Variants in SCIN observed in about 807,000 individuals in gnomAD.
The protein encoded by SCIN is adseverin.
A neutral mutation model predicts 91.8 loss-of-function variants in SCIN; 91 were observed. The observed-to-expected ratio is 0.99, with a 90% CI of 0.84 to 1.18. SCIN has a LOEUF of 1.18. Among genes scored for constraint, SCIN ranks in the 50% most tolerant of loss-of-function variants. SCIN has a pLI of 0.00. For missense variants in SCIN, 1,087 were observed against 863.9 expected, an observed-to-expected ratio of 1.26 and a Z score of -3.24; for synonymous variants, 367 against 312.6, an observed-to-expected ratio of 1.17 and a Z score of -1.84.
intron 5 of SCIN, among the ~76,000 whole-genome samples, chr7:12,624,335 A>G (rs1486708522): frequency 6.6e-6 from 1 of 152,228 alleles, no homozygotes; most frequent in Non-Finnish European, 1.5e-5. Flanking sequence ...GCACATGAAT[A>G]TCACTTTCAA....
chr7:12,576,048 T>C (rs530909655), intron 1 of SCIN, among the ~76,000 whole-genome samples: 47 of 152,338 alleles, frequency 3.1e-4, no homozygotes, highest in African/African-American at 1.0e-3. Context: ...CATTTACATC[T>C]ACCTAAAGAG....
rs999223007 is a variant in SCIN at position 12,610,089 on chromosome 7, G to A, written c.666+5426G>A. ...CATGGTCTGAATAACACCACAATTT[G>A]TTGGAAGACTTTTCATGATGAAAAT... On this transcript the variant is annotated intron_variant, in intron 4 of 15. Coordinates refer to ENST00000297029, the MANE Select transcript of SCIN (RefSeq NM_001112706.3). 2.6e-5 allele frequency among the ~76,000 whole-genome samples: 4 copies of A among 152,278 alleles called. No individual in the cohort carries two copies. In the East Asian group the frequency reaches 7.7e-4, roughly 29 times the overall value.
intron 4 of SCIN, among the ~76,000 whole-genome samples, chr7:12,616,980 A>T (rs774845382): frequency 6.6e-6 from 1 of 152,176 alleles, no homozygotes; most frequent in South Asian, 2.1e-4. Flanking sequence ...CTAAGATATA[A>T]GATTTTGACA....
At chr7:12,604,793 T>G in intron 4 of SCIN, 130 bp downstream of exon 4, 1 of 715,326 alleles carries the variant, frequency 1.4e-6, no homozygotes. Context: ...GTTTCAATAG[T>G]GAGCCTAGCT....
At chr7:12,652,438 T>C in intron 15 of SCIN, 150 bp from the exon 16 acceptor site, 2 of 694,916 alleles carry the variant, frequency 2.9e-6, no homozygotes, top group East Asian at 3.1e-5. Context: ...AAGAATTGTA[T>C]TCGAAGAATT....
intron 3 of SCIN, among the ~76,000 whole-genome samples, chr7:12,597,971 T>G (rs1025805021): frequency 6.6e-6 from 1 of 152,228 alleles, no homozygotes; most frequent in East Asian, 1.9e-4. Context: ...CAGGGCTTTT[T>G]TAAACATTGC....
intron 11 of SCIN, among the ~76,000 whole-genome samples, chr7:12,643,898 G>A (rs1269902004): frequency 1.3e-5 from 2 of 152,130 alleles, no homozygotes; most frequent in African/African-American, 4.8e-5. Flanking sequence ...ACAGTCATAT[G>A]GTCAGACAGT....
At chr7:12,640,112 C>T (rs1783827245) in intron 10 of SCIN, among the ~76,000 whole-genome samples, 1 of 152,204 alleles carries the variant, frequency 6.6e-6, no homozygotes, top group Non-Finnish European at 1.5e-5. Flanking sequence ...GATGTTTCCC[C>T]TGACAAGAAA....
At chr7:12,644,024 TG>T in intron 11 of SCIN, 113 bp from the exon 12 acceptor site, 1 of 934,036 alleles carries the variant, frequency 1.1e-6, no homozygotes, top group Non-Finnish European at 1.6e-6. Flanking sequence ...ATTAATTTCC[TG>T]GGATAGGGCA....
chr7:12,623,162 G>T (rs1026536852), intron 5 of SCIN, among the ~76,000 whole-genome samples: 1 of 152,098 alleles, frequency 6.6e-6, no homozygotes, highest in Admixed American at 6.6e-5. Context: ...AGTTTGCAAC[G>T]ATCTTTTGAT....
At chr7:12,593,411 A>C (rs1782768016) in intron 3 of SCIN, among the ~76,000 whole-genome samples, 1 of 152,202 alleles carries the variant, frequency 6.6e-6, no homozygotes, top group Non-Finnish European at 1.5e-5. Context: ...GCCGGATGTC[A>C]GGGGCAGATT....
In SCIN at chr7:12,590,634, T is replaced by C. The variant is rs150637166; in HGVS notation, c.516+9413T>C. On this transcript the variant is annotated intron_variant, in intron 3 of 15. Transcript: ENST00000297029. ...GAGTTCTTGGGTAGGATTGCTGGGA[T>C]AACAGGAAGGAGAGGGGCAGAGGCA... Among the ~76,000 whole-genome samples the C allele has an allele frequency of 6.2e-3, 942 of 152,078 alleles. 8 individuals are homozygous for C. Among genetic ancestry groups the C allele is most frequent in the African/African-American group, 0.021 (872 of 41,466 alleles).
At chr7:12,585,292 T>C (rs1782564700) in intron 3 of SCIN, among the ~76,000 whole-genome samples, 1 of 152,162 alleles carries the variant, frequency 6.6e-6, no homozygotes, top group Admixed American at 6.5e-5. Flanking sequence ...TTTTCCCAGC[T>C]TATCCAGCCT....
intron 3 of SCIN, among the ~76,000 whole-genome samples, chr7:12,601,430 A>G (rs959700076): frequency 1.1e-4 from 16 of 152,200 alleles, no homozygotes. Context: ...ACACTATCAA[A>G]TACCCAGAAA....
intron 1 of SCIN, among the ~76,000 whole-genome samples, chr7:12,574,734 A>T (rs181370913): frequency 2.0e-4 from 30 of 152,212 alleles, no homozygotes; most frequent in Admixed American, 2.0e-3. Context: ...TGTTTTAATC[A>T]CGTTAGCTAT....
rs183901392 is a variant in SCIN, at chr7:12,588,625, G to A, written c.516+7404G>A. ...GGTTAACCTTACCACATATCATCTC[G>A]TGACCAGGTTACAATATAGGAATTT... On this transcript the variant is annotated intron_variant, in intron 3 of 15. Coordinates refer to ENST00000297029, the MANE Select transcript of SCIN (RefSeq NM_001112706.3). Among the ~76,000 whole-genome samples, 62 of 151,918 alleles carry A rather than the reference G, an allele frequency of 4.1e-4. No individual in the cohort carries two copies. The East Asian group carries it at 7.4e-3, about 18-fold the overall frequency.
chr7:12,571,015 C>A (rs80240327), intron 1 of SCIN, 30 bp downstream of exon 1: 80,061 of 1,536,588 alleles, frequency 0.052, 3,018 homozygotes, highest in South Asian at 0.15. Context: ...GGGACCCCGA[C>A]GCACCAAGGC....
chr7:12,601,344 T>A (rs897726902), intron 3 of SCIN, among the ~76,000 whole-genome samples: 1 of 152,218 alleles, frequency 6.6e-6, no homozygotes, highest in East Asian at 1.9e-4. Context: ...GGAAATTTAA[T>A]CAGAGAAGAA....
chr7:12,631,519 C>CTCATGAATGGATGAGT (rs758328671), intron 9 of SCIN, among the ~76,000 whole-genome samples: 14 of 152,110 alleles, frequency 9.2e-5, no homozygotes, highest in Non-Finnish European at 1.6e-4. Flanking sequence ...GGTGATAGCT[C>CTCATGAATGGATGAGT]TCATGAATGG....
Sources: gnomAD v4.1 joint callset for allele counts (sites outside exome capture counted in the v4.1 genomes callset) on GRCh38, gnomAD v4.1.1 for gene constraint, MANE v1.5 for transcripts, NCBI Gene and HGNC (gene_info 2026-07-23, HGNC 2026-07-21) for gene names.